Variants in DAP3 observed in about 807,000 individuals in gnomAD.
DAP3 encodes small ribosomal subunit protein mS29.
DAP3 carries 28 observed loss-of-function variants against 51.9 expected under a neutral mutation model. The ratio of observed to expected loss-of-function variants is 0.54; its 90% CI spans 0.40 to 0.74. The LOEUF (loss-of-function observed/expected upper bound fraction) is 0.74. Ranked by LOEUF, DAP3 falls within the 30% of genes least tolerant of loss-of-function variation. The pLI, the probability that DAP3 is intolerant of heterozygous loss-of-function variation, is 0.00. For synonymous variants in DAP3, 170 were observed against 170.3 expected (o/e 1.00, Z 0.01); for missense variants, 458 against 483.5 (o/e 0.95, Z 0.49).
chr1:155,703,561 A>G (rs1051427081), intron 1 of DAP3, among the ~76,000 whole-genome samples: 2 of 152,178 alleles, frequency 1.3e-5, no homozygotes, highest in Non-Finnish European at 2.9e-5. Context: ...TTCTTAAGAC[A>G]GGGTCTTGCT....
chr1:155,702,838 T>C (rs1655481953), intron 1 of DAP3, among the ~76,000 whole-genome samples: 1 of 151,874 alleles, frequency 6.6e-6, no homozygotes, highest in South Asian at 2.1e-4. Context: ...GGCGTGGTGG[T>C]GGGCACCTGT....
upstream of DAP3, chr1:155,688,976 TG>T: frequency 6.2e-7 from 1 of 1,608,276 alleles, no homozygotes; most frequent in Non-Finnish European, 8.5e-7. Context: ...TCCTCCTCCA[TG>T]GGACCGCGGC....
At chr1:155,723,709 C>T (rs1658252362) in intron 4 of DAP3, among the ~76,000 whole-genome samples, 2 of 152,166 alleles carry the variant, frequency 1.3e-5, no homozygotes, top group South Asian at 4.1e-4. Context: ...TCAAATCCTA[C>T]ACCAATTCAA....
chr1:155,723,920 T>C (rs780761551), intron 4 of DAP3, among the ~76,000 whole-genome samples: 1 of 151,972 alleles, frequency 6.6e-6, no homozygotes, highest in Middle Eastern at 3.4e-3. Context: ...ACGCCTGTAG[T>C]CACAGCTACT....
intron 3 of DAP3, 43 bp downstream of exon 3, chr1:155,717,171 T>G: frequency 6.3e-7 from 1 of 1,594,576 alleles, no homozygotes; most frequent in South Asian, 1.1e-5. Flanking sequence ...GGGCTTATGA[T>G]TTGTGTTCCT....
At chr1:155,697,774 C>T (rs191944449) in intron 1 of DAP3, among the ~76,000 whole-genome samples, 21 of 152,214 alleles carry the variant, frequency 1.4e-4, no homozygotes, top group Admixed American at 4.6e-4. Flanking sequence ...AGCAGACAAC[C>T]GATCTGACTA....
In DAP3 at chr1:155,727,609, T is replaced by C. The variant is rs145878148; in HGVS notation, c.474T>C (p.Ala158=). 1 of 1,610,876 alleles carries C rather than the reference T, an allele frequency of 6.2e-7. No individual in the cohort carries two copies. The highest frequency in any genetic ancestry group is 1.1e-5 in the South Asian group (1 of 90,374). ...TTCTTCTGCCTCTTTTTTTTAAAGC[T>C]CATCTTTGGGTGAAAAATTGTCGGG... ...QDWLILHIPD[A]HLWVKNCRDL... Residue 158 remains alanine (A), a splice_region_variant and synonymous_variant, in exon 7 of 13, where the codon GCT becomes GCC. Coordinates refer to ENST00000368336, the MANE Select transcript of DAP3 (RefSeq NM_004632.4).
intron 9 of DAP3, among the ~76,000 whole-genome samples, chr1:155,730,122 A>T (rs1423816276): frequency 7.4e-6 from 1 of 135,298 alleles, no homozygotes; most frequent in East Asian, 1.9e-4. Flanking sequence ...ATATATATTT[A>T]TATATACATA....
At chr1:155,718,224 A>G (rs1424670083) in intron 3 of DAP3, among the ~76,000 whole-genome samples, 3 of 152,150 alleles carry the variant, frequency 2.0e-5, no homozygotes, top group Middle Eastern at 3.2e-3. Flanking sequence ...TGTCTCTACT[A>G]AAAATACTAA....
chr1:155,718,705 A>AGAT (rs1657623758), intron 3 of DAP3, among the ~76,000 whole-genome samples: 4 of 140,894 alleles, frequency 2.8e-5, no homozygotes, highest in East Asian at 2.1e-4. Flanking sequence ...AAAAGAAAGA[A>AGAT]AGATAGATAG....
intron 1 of DAP3, among the ~76,000 whole-genome samples, chr1:155,694,384 G>T (rs1326398615): frequency 5.6e-5 from 8 of 141,776 alleles, no homozygotes; most frequent in Middle Eastern, 3.4e-3. Context: ...GTGGAAATGG[G>T]ACGTATGCCC....
intron 11 of DAP3, 115 bp from the exon 12 acceptor site, chr1:155,736,831 T>C: frequency 1.2e-6 from 1 of 849,472 alleles, no homozygotes; most frequent in Non-Finnish European, 2.0e-6. Context: ...GAATGAGAAG[T>C]AGAGTTACAT....
chr1:155,702,833 G>T (rs1185392689), intron 1 of DAP3, among the ~76,000 whole-genome samples: 1 of 152,106 alleles, frequency 6.6e-6, no homozygotes, highest in Non-Finnish European at 1.5e-5. Flanking sequence ...AGCCAGGCGT[G>T]GTGGTGGGCA....
At chr1:155,734,426 C>T (rs1398337483) in intron 11 of DAP3, among the ~76,000 whole-genome samples, 1 of 152,058 alleles carries the variant, frequency 6.6e-6, no homozygotes, top group Non-Finnish European at 1.5e-5. Context: ...ATCCTCCCAC[C>T]TCGGCCTCCT....
intron 11 of DAP3, chr1:155,736,651 A>C (rs1174609014): frequency 8.4e-6 from 3 of 357,742 alleles, no homozygotes; most frequent in Non-Finnish European, 1.6e-5. Context: ...TCCTGGGCTC[A>C]AGCAATATGC....
intron 1 of DAP3, among the ~76,000 whole-genome samples, chr1:155,705,629 CAG>C (rs1288773347): frequency 2.0e-5 from 3 of 149,436 alleles, no homozygotes; most frequent in African/African-American, 4.9e-5. Flanking sequence ...AAAAAAAAAA[CAG>C]AAAGGAAATA....
In DAP3 at chr1:155,690,944, G is replaced by T. The variant is rs537200322; in HGVS notation, c.-8+1770G>T. 2.8e-5 allele frequency among the ~76,000 whole-genome samples: 4 copies of T among 141,744 alleles called. No individual in the cohort carries two copies. The South Asian group carries it at 6.2e-4, about 22-fold the overall frequency. 93.0% of individuals were successfully genotyped at this position (141,744 alleles called of 152,430 possible). Reference sequence around the variant, plus strand: ...TTTTTTTGAGACGGAGTCTCGCTCTGTCACCCAGGCTGGAGTGCAGTGGCG... The same window carrying T: ...TTTTTTTGAGACGGAGTCTCGCTCTTTCACCCAGGCTGGAGTGCAGTGGCG... On this transcript the variant is annotated intron_variant, in intron 1 of 12. Transcript: ENST00000368336.
chr1:155,718,255 G>A (rs548229800), intron 3 of DAP3, among the ~76,000 whole-genome samples: 62 of 152,172 alleles, frequency 4.1e-4, no homozygotes, highest in Non-Finnish European at 7.5e-4. Context: ...GTGTGGTGGC[G>A]GGCACCTGTA....
At chr1:155,688,471 C>T, upstream of DAP3, 1 of 1,549,798 alleles carries the variant, frequency 6.5e-7, no homozygotes, top group Middle Eastern at 1.7e-4. Context: ...CCATGTAGCG[C>T]GCACGTCAGC....
Sources: allele counts gnomAD v4.1 joint callset (sites outside exome capture counted in the v4.1 genomes callset), GRCh38; gene constraint gnomAD v4.1.1; transcripts MANE v1.5; gene names NCBI Gene and HGNC (gene_info 2026-07-23, HGNC 2026-07-21).